Variants in DGKB observed in about 807,000 individuals in gnomAD.
The protein encoded by DGKB is 90 kDa diacylglycerol kinase.
A neutral mutation model predicts 114.3 loss-of-function variants in DGKB; 67 were observed. The observed-to-expected ratio is 0.59, with a 90% CI of 0.48 to 0.72. The LOEUF is 0.72. Ranked by LOEUF, DGKB falls within the 30% of genes least tolerant of loss-of-function variation. The pLI, the probability that DGKB is intolerant of heterozygous loss-of-function variation, is 0.00. For missense variants in DGKB, 907 were observed against 975.2 expected (o/e 0.93, Z 0.93); for synonymous variants, 398 against 323.1 (o/e 1.23, Z -2.49).
At chr7:14,816,373 G>T (rs903120482) in intron 2 of DGKB, 1 of 152,210 alleles carries the variant, frequency 6.6e-6, no homozygotes, top group East Asian at 1.9e-4. Context: ...TAAACCTCAT[G>T]TTCCTTTTCA....
chr7:14,914,572 C>T (rs948105222), intron 1 of DGKB, among the ~76,000 whole-genome samples: 1 of 152,012 alleles, frequency 6.6e-6, no homozygotes, highest in African/African-American at 2.4e-5. Flanking sequence ...ACCTCAGTTA[C>T]CAAATACAGC....
intron 21 of DGKB, among the ~76,000 whole-genome samples, chr7:14,380,539 T>C (rs935682101): frequency 6.6e-6 from 1 of 151,698 alleles, no homozygotes. Flanking sequence ...TGTGTTCAAA[T>C]AGGATATATA....
chr7:14,916,141 G>T (rs911092437), intron 1 of DGKB, among the ~76,000 whole-genome samples: 1 of 151,888 alleles, frequency 6.6e-6, no homozygotes, highest in Non-Finnish European at 1.5e-5. Flanking sequence ...AATGAACACA[G>T]ATTAGCTGCC....
chr7:14,619,135 A>G (rs1807129705), intron 15 of DGKB, among the ~76,000 whole-genome samples: 1 of 151,420 alleles, frequency 6.6e-6, no homozygotes, highest in South Asian at 2.1e-4. Flanking sequence ...ACATGATTAT[A>G]TACCAACTTT....
intron 21 of DGKB, among the ~76,000 whole-genome samples, chr7:14,425,220 T>C (rs1214336908): frequency 6.6e-6 from 1 of 152,112 alleles, no homozygotes; most frequent in Non-Finnish European, 1.5e-5. Context: ...GATCATTGAA[T>C]TAAAATCCCT....
intron 13 of DGKB, among the ~76,000 whole-genome samples, chr7:14,642,276 C>T (rs1449254262): frequency 1.3e-5 from 2 of 152,024 alleles, no homozygotes; most frequent in Non-Finnish European, 2.9e-5. Flanking sequence ...AAAACTATTG[C>T]TATTGATGTC....
chr7:14,754,024 A>G lies in DGKB; in HGVS notation c.148-76T>C, dbSNP rs1213252752. ...TACTCATTATCTCATATCTCTGATTATTTAGCTAAAAGTTCAAGTTTACAG... is the reference window on the plus strand; with the variant it reads ...TACTCATTATCTCATATCTCTGATTGTTTAGCTAAAAGTTCAAGTTTACAG... On this transcript the variant is annotated intron_variant, in intron 3 of 25. Transcript: ENST00000402815. The G allele has an allele frequency of 5.7e-6, 6 of 1,048,084 alleles. No individual in the cohort carries two copies. The African/African-American group carries it at 9.7e-5, about 17-fold the overall frequency. 64.9% of individuals were successfully genotyped at this position (1,048,084 alleles called of 1,614,324 possible). A position where few individuals can be genotyped will look rare whatever the true frequency, so the allele number is the denominator to read the frequency against.
intron 4 of DGKB, among the ~76,000 whole-genome samples, chr7:14,748,811 C>A (rs1306862287): frequency 3.3e-5 from 5 of 152,090 alleles, no homozygotes; most frequent in African/African-American, 1.2e-4. Flanking sequence ...AACTAGCTCA[C>A]CACTAATTAA....
At chr7:14,622,989 C>T (rs62445614) in intron 14 of DGKB, among the ~76,000 whole-genome samples, 48,582 of 151,994 alleles carry the variant, frequency 0.32, 8,122 homozygotes, top group East Asian at 0.68. Flanking sequence ...TATTATTTAT[C>T]TGATTTGTTT....
chr7:14,385,637 G>A (rs1305349140), intron 21 of DGKB, among the ~76,000 whole-genome samples: 1 of 152,116 alleles, frequency 6.6e-6, no homozygotes, highest in Non-Finnish European at 1.5e-5. Context: ...ATTGGCAGTC[G>A]CAGATCTCTT....
intron 20 of DGKB, among the ~76,000 whole-genome samples, chr7:14,491,962 A>G (rs971520682): frequency 2.2e-4 from 34 of 152,180 alleles, no homozygotes; most frequent in African/African-American, 7.7e-4. Flanking sequence ...TACAAAGAAC[A>G]TTGTAAAAAG....
intron 21 of DGKB, among the ~76,000 whole-genome samples, chr7:14,428,950 C>T (rs1348149116): frequency 6.6e-6 from 1 of 151,908 alleles, no homozygotes; most frequent in African/African-American, 2.4e-5. Context: ...GAACAAATGA[C>T]CATTTTATAT....
rs149781972 is a variant in DGKB at position 14,922,781 on chromosome 7, G to T, written c.-188+51915C>A. ...TATGAGATACAGTGTTATGTTTTGA[G>T]CTCTGTGTAAATTGAAGATACATTG... On this transcript the variant is annotated intron_variant, in intron 1 of 4. Transcript: ENST00000437998. Among the ~76,000 whole-genome samples the T allele has an allele frequency of 1.1e-3, 173 of 152,174 alleles. 1 individual carries two copies. The East Asian group carries it at 0.031, about 27-fold the overall frequency.
intron 6 of DGKB, among the ~76,000 whole-genome samples, chr7:14,706,042 C>A (rs1271080970): frequency 6.8e-6 from 1 of 146,306 alleles, no homozygotes; most frequent in Non-Finnish European, 1.5e-5. Flanking sequence ...AGAGTCAAGA[C>A]CCATCAGTGT....
chr7:14,821,923 A>T (rs570046342), intron 2 of DGKB, among the ~76,000 whole-genome samples: 1 of 152,270 alleles, frequency 6.6e-6, no homozygotes, highest in East Asian at 1.9e-4. Flanking sequence ...TATTTTAGAT[A>T]GTTGACCTGC....
chr7:14,587,979 G>A lies in DGKB; in HGVS notation c.1434-4842C>T, dbSNP rs567024335. 2.0e-5 allele frequency among the ~76,000 whole-genome samples: 3 copies of A among 152,148 alleles called. No homozygotes were observed. The South Asian group carries it at 6.2e-4, about 32-fold the overall frequency. On this transcript the variant is annotated intron_variant, in intron 17 of 25. Coordinates refer to ENST00000402815, the MANE Select transcript of DGKB (RefSeq NM_001350709.2). ...CAAATCCACAATGTCTCCAAGGTAT[G>A]CCTGTACGTACTTCCTAGTGCTTAA... is the stretch of plus-strand genomic sequence containing the variant.
chr7:14,898,773 G>C (rs73680379), intron 1 of DGKB, among the ~76,000 whole-genome samples: 4,726 of 152,166 alleles, frequency 0.031, 233 homozygotes, highest in African/African-American at 0.11. Flanking sequence ...AATAGCTCAG[G>C]AGCATCCAGT....
intron 23 of DGKB, among the ~76,000 whole-genome samples, chr7:14,225,919 T>C (rs1175260919): frequency 6.6e-6 from 1 of 151,948 alleles, no homozygotes; most frequent in Non-Finnish European, 1.5e-5. Context: ...TTAATTTCTC[T>C]AAAATGAATT....
chr7:14,841,094 C>A, intron 2 of DGKB, 100 bp downstream of exon 2: 2 of 1,048,430 alleles, frequency 1.9e-6, no homozygotes, highest in South Asian at 1.7e-5. Flanking sequence ...CTGGATCTAT[C>A]CCCATGAAGA....
Sources: allele counts gnomAD v4.1 joint callset (sites outside exome capture counted in the v4.1 genomes callset), GRCh38; gene constraint gnomAD v4.1.1; transcripts MANE v1.5; gene names NCBI Gene and HGNC (gene_info 2026-07-23, HGNC 2026-07-21).